ARHGAP15: variants seen among roughly 807,000 people sequenced by gnomAD.
ARHGAP15 encodes Rho GTPase activating protein 15, also known as rho GTPase-activating protein 15.
ARHGAP15 carries 51 observed loss-of-function variants against 63.7 expected under a neutral mutation model. That is an observed-to-expected ratio of 0.80 (90% confidence interval 0.64 to 1.01). The LOEUF (loss-of-function observed/expected upper bound fraction) is 1.01. Ranked by LOEUF, ARHGAP15 falls within the 50% of genes least tolerant of loss-of-function variation. The pLI, the probability that ARHGAP15 is intolerant of heterozygous loss-of-function variation, is 0.00. For missense variants in ARHGAP15, 560 were observed against 564.6 expected (o/e 0.99, Z 0.08); for synonymous variants, 191 against 193.8 (o/e 0.99, Z 0.12).
At chr2:143,667,411 G>A (rs1682265528) in intron 12 of ARHGAP15, among the ~76,000 whole-genome samples, 1 of 115,548 alleles carries the variant, frequency 8.7e-6, no homozygotes, top group Non-Finnish European at 1.8e-5. Context: ...CACACTCTGG[G>A]GACTGTGGTG....
chr2:143,750,466 C>T (rs1450839419), intron 13 of ARHGAP15, among the ~76,000 whole-genome samples: 1 of 152,194 alleles, frequency 6.6e-6, no homozygotes, highest in Non-Finnish European at 1.5e-5. Context: ...GTTTCTCTAG[C>T]TTGCAAAGGG....
chr2:143,461,794 T>A (rs1168975575), intron 8 of ARHGAP15, among the ~76,000 whole-genome samples: 1 of 152,190 alleles, frequency 6.6e-6, no homozygotes, highest in Non-Finnish European at 1.5e-5. Context: ...AATTCCCCTT[T>A]GCAGTGCCGT....
rs190797126 is a variant in ARHGAP15 at position 143,241,456 on chromosome 2, C to T, written c.385-9055C>T. ...AAATCTTAATTGTATTTATCGTTGT[C>T]GTTATTACTACATGAAGCAATAGAG... On this transcript the variant is annotated intron_variant, in intron 5 of 13. Coordinates refer to ENST00000295095, the MANE Select transcript of ARHGAP15 (RefSeq NM_018460.4). Among the ~76,000 whole-genome samples the T allele has an allele frequency of 6.0e-4, 91 of 152,108 alleles. 1 individual carries two copies. Among genetic ancestry groups the T allele is most frequent in the South Asian group, 2.1e-3 (10 of 4,824 alleles).
chr2:143,541,528 A>G (rs1321492492), intron 10 of ARHGAP15, among the ~76,000 whole-genome samples: 3 of 151,884 alleles, frequency 2.0e-5, no homozygotes, highest in East Asian at 1.9e-4. Context: ...TTGGTCTTTG[A>G]TGGTGGTGAC....
chr2:143,635,071 C>T (rs983977554), intron 12 of ARHGAP15, among the ~76,000 whole-genome samples: 7 of 151,944 alleles, frequency 4.6e-5, no homozygotes, highest in East Asian at 3.9e-4. Flanking sequence ...CACACACACA[C>T]GTTCTCCAAA....
chr2:143,624,135 G>A lies in ARHGAP15; in HGVS notation c.1006G>A (p.Glu336Lys), dbSNP rs1698747304. 6.2e-7 allele frequency: 1 copy of A among 1,613,330 alleles called. No homozygotes were observed. Among genetic ancestry groups the A allele is most frequent in the Non-Finnish European group, 8.5e-7 (1 of 1,179,510 alleles). ...CATTTCTCCTCGTGTTTTCCCAGAAGAGAAGCTGAATTTGGACGACAGCCA... is the reference window on the plus strand; with the variant it reads ...CATTTCTCCTCGTGTTTTCCCAGAAAAGAAGCTGAATTTGGACGACAGCCA... Reference protein sequence around the residue: ...QKLRFIVNQEEKLNLDDSQWE... With the variant: ...QKLRFIVNQEKKLNLDDSQWE... The change falls in exon 12 of 14, where the codon GAG becomes AAG. Residue 336 changes from glutamate (E) to lysine (K), a missense_variant and splice_region_variant. By Grantham distance (56) the Glu-to-Lys change is moderately conservative. Transcript: ENST00000295095.
intron 3 of ARHGAP15, 107 bp downstream of exon 3, chr2:143,202,309 C>T: frequency 2.2e-6 from 2 of 889,648 alleles, no homozygotes. Context: ...TTCTGTGGGT[C>T]AGGAATCAGG....
intron 6 of ARHGAP15, among the ~76,000 whole-genome samples, chr2:143,343,691 A>G (rs1172535432): frequency 2.6e-5 from 4 of 152,078 alleles, no homozygotes; most frequent in Non-Finnish European, 4.4e-5. Context: ...GATTGAGAAA[A>G]TAAATAACTG....
intron 9 of ARHGAP15, among the ~76,000 whole-genome samples, chr2:143,498,670 G>T (rs761413015): frequency 6.6e-6 from 1 of 151,936 alleles, no homozygotes; most frequent in Non-Finnish European, 1.5e-5. Context: ...CTCACCCAGA[G>T]CTCCCACCCC....
chr2:143,558,386 T>C (rs937281924), intron 11 of ARHGAP15, among the ~76,000 whole-genome samples: 1 of 152,150 alleles, frequency 6.6e-6, no homozygotes, highest in Non-Finnish European at 1.5e-5. Context: ...TCCAGTCAGA[T>C]TTCTTCTCTG....
chr2:143,317,589 C>G (rs1386442843), intron 6 of ARHGAP15, among the ~76,000 whole-genome samples: 1 of 152,182 alleles, frequency 6.6e-6, no homozygotes, highest in Non-Finnish European at 1.5e-5. Context: ...ATGCGTGAAA[C>G]AGCATACCTG....
chr2:143,444,307 A>G (rs1690034028), intron 8 of ARHGAP15, among the ~76,000 whole-genome samples: 1 of 152,218 alleles, frequency 6.6e-6, no homozygotes, highest in Non-Finnish European at 1.5e-5. Flanking sequence ...AGAAAAAAAA[A>G]GATCTTTGGT....
chr2:143,343,967 C>G (rs951041103), intron 6 of ARHGAP15: 1 of 152,054 alleles, frequency 6.6e-6, no homozygotes, highest in African/African-American at 2.4e-5. Flanking sequence ...TAGCTATGTA[C>G]TTCTTATTCA....
chr2:143,500,583 A>G (rs1693012362), intron 9 of ARHGAP15, among the ~76,000 whole-genome samples: 1 of 152,208 alleles, frequency 6.6e-6, no homozygotes, highest in Non-Finnish European at 1.5e-5. Flanking sequence ...AAACAAAATA[A>G]GCCACAAATA....
intron 3 of ARHGAP15, among the ~76,000 whole-genome samples, chr2:143,212,418 G>C (rs1328492120): frequency 6.6e-6 from 1 of 152,086 alleles, no homozygotes; most frequent in Non-Finnish European, 1.5e-5. Context: ...TGTTAAATAG[G>C]GCTTCTAAGG....
At chr2:143,703,789 G>C (rs1684200868) in intron 13 of ARHGAP15, 1 of 285,646 alleles carries the variant, frequency 3.5e-6, no homozygotes, top group African/African-American at 2.2e-5. Context: ...ACCATCGCCT[G>C]GACCCTGGGA....
intron 2 of ARHGAP15, among the ~76,000 whole-genome samples, chr2:143,189,442 G>A (rs1691588960): frequency 6.6e-6 from 1 of 150,754 alleles, no homozygotes; most frequent in Non-Finnish European, 1.5e-5. Context: ...TGTTCTTTTG[G>A]ATTTTTCTAT....
intron 6 of ARHGAP15, among the ~76,000 whole-genome samples, chr2:143,254,416 A>T (rs1046351725): frequency 7.2e-6 from 1 of 138,140 alleles, no homozygotes; most frequent in Non-Finnish European, 1.5e-5. Context: ...AAGTTTGTTT[A>T]AAAAAAAAAA....
chr2:143,530,190 T>A (rs1317620777), intron 10 of ARHGAP15, among the ~76,000 whole-genome samples: 1 of 152,174 alleles, frequency 6.6e-6, no homozygotes, highest in East Asian at 1.9e-4. Context: ...TTATCCAGAA[T>A]GTAAAGAAAT....
Sources: allele counts gnomAD v4.1 joint callset (sites outside exome capture counted in the v4.1 genomes callset), GRCh38; gene constraint gnomAD v4.1.1; transcripts MANE v1.5; gene names NCBI Gene and HGNC (gene_info 2026-07-23, HGNC 2026-07-21).